Variants in MACROD2 observed in about 807,000 individuals in gnomAD.
The protein encoded by MACROD2 is ADP-ribose glycohydrolase MACROD2.
A neutral mutation model predicts 70.4 loss-of-function variants in MACROD2; 36 were observed. That is an observed-to-expected ratio of 0.51 (90% confidence interval 0.39 to 0.68). The LOEUF is 0.68. MACROD2 is among the 30% of genes least tolerant of loss of function. The probability of loss-of-function intolerance (pLI) is 0.00; values close to 1 mark genes in which losing one functional copy is unlikely to be tolerated. For synonymous variants in MACROD2, 172 were observed against 178.8 expected (o/e 0.96, Z 0.30); for missense variants, 496 against 538.4 (o/e 0.92, Z 0.78).
At chr20:15,119,558 C>T (rs1049097567) in intron 5 of MACROD2, among the ~76,000 whole-genome samples, 2 of 151,926 alleles carry the variant, frequency 1.3e-5, no homozygotes, top group Admixed American at 1.3e-4. Flanking sequence ...AAGAACATTA[C>T]AGAGAAAAAA....
Position 14,702,687 on chromosome 20 carries a change from G to GTA in MACROD2, c.418+17736_418+17737dup, listed in dbSNP as rs1187124691. 4.5e-5 allele frequency among the ~76,000 whole-genome samples: 6 copies of GTA among 133,322 alleles called. No homozygotes were observed. In the East Asian group the frequency reaches 1.3e-3, roughly 29 times the overall value. The allele number at this position is 133,322 out of a possible 152,430, so 87.5% of individuals were successfully genotyped here. A position where few individuals can be genotyped will look rare whatever the true frequency, so the allele number is the denominator to read the frequency against. ...TGTATATATATATACACATATATGT[G>GTA]TATATATATGTATATATATGTGTGT... On this transcript the variant is annotated intron_variant, in intron 5 of 17. Coordinates refer to ENST00000684519, the MANE Select transcript of MACROD2 (RefSeq NM_001351661.2).
chr20:14,281,910 T>G lies in MACROD2; in HGVS notation c.271+196182T>G, dbSNP rs1444489564. ...AGATCCCACCACAGCACTCCAGCCT[T>G]GGCGACAGAGCAGACTCCCTCTCAA... On this transcript the variant is annotated intron_variant, in intron 3 of 17. Coordinates refer to ENST00000684519, the MANE Select transcript of MACROD2 (RefSeq NM_001351661.2). Among the ~76,000 whole-genome samples, 218 of 126,774 alleles carry G rather than the reference T, an allele frequency of 1.7e-3. 1 individual carries two copies. Among genetic ancestry groups the G allele is most frequent in the Admixed American group, 8.0e-3 (81 of 10,122 alleles). The allele number at this position is 126,774 out of a possible 152,430, so 83.2% of individuals were successfully genotyped here.
chr20:14,493,684 G>A, intron 4 of MACROD2, 176 bp downstream of exon 4: 2 of 537,690 alleles, frequency 3.7e-6, no homozygotes, highest in South Asian at 4.6e-5. Flanking sequence ...TTGCTTAAAT[G>A]TTATTTTAAT....
At chr20:15,745,520 A>C (rs1271895279) in intron 8 of MACROD2, among the ~76,000 whole-genome samples, 1 of 152,140 alleles carries the variant, frequency 6.6e-6, no homozygotes, top group Non-Finnish European at 1.5e-5. Flanking sequence ...TATTTCAGTC[A>C]ATTTCGTGTT....
chr20:14,093,668 CA>C (rs11475558), intron 3 of MACROD2, among the ~76,000 whole-genome samples: 136,556 of 144,996 alleles, frequency 0.94, 64,321 homozygotes, highest in Middle Eastern at 0.98. Context: ...ACTCATTTGA[CA>C]AAAAAAAAAA....
chr20:14,993,992 A>G (rs987339411), intron 5 of MACROD2, among the ~76,000 whole-genome samples: 1 of 152,180 alleles, frequency 6.6e-6, no homozygotes, highest in Non-Finnish European at 1.5e-5. Context: ...AAATGAAACT[A>G]TCTCTTGTTG....
intron 8 of MACROD2, among the ~76,000 whole-genome samples, chr20:15,781,735 A>G (rs995618914): frequency 3.9e-5 from 6 of 152,160 alleles, no homozygotes; most frequent in Non-Finnish European, 8.8e-5. Context: ...TTTAGAGAGG[A>G]CACAGTCAAA....
At position 15,325,158 on chromosome 20, in the gene MACROD2, T is replaced by C. The variant is rs373895003; in HGVS notation, c.540+95097T>C. 2.6e-5 allele frequency among the ~76,000 whole-genome samples: 4 copies of C among 152,226 alleles called. No homozygotes were observed. In the East Asian group the frequency reaches 7.7e-4, roughly 29 times the overall value. Reference sequence around the variant, plus strand: ...TGTAAAAGTATGATAACATACAATCTTTCACCCCATTGGTCCTTGTTGTCA... The same window carrying C: ...TGTAAAAGTATGATAACATACAATCCTTCACCCCATTGGTCCTTGTTGTCA... On this transcript the variant is annotated intron_variant, in intron 6 of 17. Coordinates refer to ENST00000684519, the MANE Select transcript of MACROD2 (RefSeq NM_001351661.2).
At chr20:15,472,149 AC>A in intron 7 of MACROD2, among the ~76,000 whole-genome samples, 1 of 152,278 alleles carries the variant, frequency 6.6e-6, no homozygotes, top group African/African-American at 2.4e-5. Flanking sequence ...AACAGAGCCA[AC>A]TTCTGTATTC....
intron 8 of MACROD2, among the ~76,000 whole-genome samples, chr20:15,584,729 T>C (rs1369161026): frequency 2.0e-5 from 3 of 152,180 alleles, no homozygotes; most frequent in Non-Finnish European, 4.4e-5. Flanking sequence ...GTTACCACCT[T>C]CCCGTGGGCC....
intron 4 of MACROD2, among the ~76,000 whole-genome samples, chr20:14,505,183 A>G (rs764140902): frequency 1.3e-4 from 20 of 152,228 alleles, no homozygotes; most frequent in Non-Finnish European, 2.8e-4. Flanking sequence ...ACAAGAATAT[A>G]TCTTCATAGT....
At chr20:14,702,400 C>T (rs2071206808) in intron 5 of MACROD2, among the ~76,000 whole-genome samples, 1 of 151,354 alleles carries the variant, frequency 6.6e-6, no homozygotes, top group Non-Finnish European at 1.5e-5. Flanking sequence ...TAAATCCTTC[C>T]AGACTGTGTT....
intron 3 of MACROD2, among the ~76,000 whole-genome samples, chr20:14,453,648 A>T (rs111341560): frequency 2.0e-5 from 3 of 152,028 alleles, no homozygotes; most frequent in African/African-American, 7.3e-5. Flanking sequence ...ATATTACTTT[A>T]AATAGTAGAA....
At chr20:14,649,922 G>A (rs1985593762) in intron 4 of MACROD2, among the ~76,000 whole-genome samples, 1 of 152,102 alleles carries the variant, frequency 6.6e-6, no homozygotes, top group Non-Finnish European at 1.5e-5. Flanking sequence ...TCTGGATCCA[G>A]GTGGAGTATG....
At chr20:14,848,800 G>T (rs7274631) in intron 5 of MACROD2, among the ~76,000 whole-genome samples, 50,158 of 151,912 alleles carry the variant, frequency 0.33, 9,169 homozygotes, top group Non-Finnish European at 0.41. Context: ...TTATATAATC[G>T]GATTTTCATC....
At chr20:15,185,128 C>G (rs1321055615) in intron 5 of MACROD2, among the ~76,000 whole-genome samples, 4 of 152,128 alleles carry the variant, frequency 2.6e-5, no homozygotes, top group African/African-American at 9.7e-5. Context: ...AGATCATACT[C>G]TATTTATCTT....
At chr20:15,454,365 T>G (rs1055631836) in intron 7 of MACROD2, among the ~76,000 whole-genome samples, 2 of 149,922 alleles carry the variant, frequency 1.3e-5, no homozygotes, top group Non-Finnish European at 2.9e-5. Flanking sequence ...CCTCTCATGT[T>G]CCCCTAACAA....
intron 9 of MACROD2, among the ~76,000 whole-genome samples, chr20:15,869,733 T>C (rs2064553730): frequency 6.6e-6 from 1 of 152,112 alleles, no homozygotes; most frequent in Admixed American, 6.5e-5. Flanking sequence ...GTATTATATA[T>C]AACATAAAAG....
At chr20:15,901,032 C>CT (rs2065055978) in intron 10 of MACROD2, among the ~76,000 whole-genome samples, 1 of 152,166 alleles carries the variant, frequency 6.6e-6, no homozygotes, top group Admixed American at 6.5e-5. Context: ...CCCTACCTTG[C>CT]TTATTAATGC....
Sources: gnomAD v4.1 joint callset for allele counts (sites outside exome capture counted in the v4.1 genomes callset) on GRCh38, gnomAD v4.1.1 for gene constraint, MANE v1.5 for transcripts, NCBI Gene and HGNC (gene_info 2026-07-23, HGNC 2026-07-21) for gene names.